The following TGFBR3 variants were observed in gnomAD, a reference collection of about 807,000 sequenced individuals.
TGFBR3 encodes the protein transforming growth factor beta receptor type 3.
TGFBR3 carries 46 observed loss-of-function variants against 87.9 expected under a neutral mutation model. That is an observed-to-expected ratio of 0.52 (90% CI 0.41 to 0.67). The LOEUF is 0.67. Among genes scored for constraint, TGFBR3 ranks in the 30% least tolerant of loss-of-function variants. The probability of loss-of-function intolerance (pLI) is 0.00; values close to 1 mark genes in which losing one functional copy is unlikely to be tolerated. For missense variants in TGFBR3, 866 were observed against 1,041.9 expected, an observed-to-expected ratio of 0.83 and a Z score of 2.32; for synonymous variants, 381 against 391.6, an observed-to-expected ratio of 0.97 and a Z score of 0.32.
At chr1:91,893,688 G>A (rs1557766384) in intron 2 of TGFBR3, among the ~76,000 whole-genome samples, 1 of 147,670 alleles carries the variant, frequency 6.8e-6, no homozygotes, top group African/African-American at 2.5e-5. Flanking sequence ...CTTTTATCCT[G>A]TTTTTTTTTT....
chr1:91,704,731 C>T lies in TGFBR3; in HGVS notation c.2287+3932G>A, dbSNP rs377635793. 2.6e-4 allele frequency among the ~76,000 whole-genome samples: 39 copies of T among 152,282 alleles called. 1 individual carries two copies. The highest frequency in any genetic ancestry group is 8.9e-4 in the African/African-American group (37 of 41,568). On this transcript the variant is annotated intron_variant, in intron 14 of 16. Transcript: ENST00000212355. ...GTTAAAAATTTAAATGGTAAAAGAA[C>T]GCTAACCCAACACTGATTCCCAAGG...
chr1:91,853,890 G>A (rs929029520), intron 2 of TGFBR3, among the ~76,000 whole-genome samples: 4 of 152,086 alleles, frequency 2.6e-5, no homozygotes, highest in Non-Finnish European at 4.4e-5. Flanking sequence ...GCGCATGCCT[G>A]TAGTCCCAGT....
chr1:91,883,685 T>C (rs1679185551), intron 1 of TGFBR3, among the ~76,000 whole-genome samples: 1 of 151,802 alleles, frequency 6.6e-6, no homozygotes, highest in Admixed American at 6.6e-5. Context: ...AAACATGAGC[T>C]GAATCAACAG....
At chr1:91,774,114 C>G (rs760428320) in intron 3 of TGFBR3, among the ~76,000 whole-genome samples, 4 of 151,762 alleles carry the variant, frequency 2.6e-5, no homozygotes, top group African/African-American at 9.7e-5. Context: ...AGTTAATATA[C>G]TTGGTCTTGC....
At chr1:91,890,057 G>A (rs143429503), upstream of TGFBR3, among the ~76,000 whole-genome samples, 53 of 152,274 alleles carry the variant, frequency 3.5e-4, 1 homozygote, top group African/African-American at 1.2e-3. Context: ...TCAAGCTACA[G>A]TATTTGTTAC....
At chr1:91,704,417 A>G (rs928008860) in intron 14 of TGFBR3, among the ~76,000 whole-genome samples, 2 of 152,098 alleles carry the variant, frequency 1.3e-5, no homozygotes, top group Admixed American at 6.5e-5. Flanking sequence ...ACATGATTCT[A>G]GTTTTCAGTA....
At chr1:91,693,377 A>AT (rs1329268827) in intron 16 of TGFBR3, among the ~76,000 whole-genome samples, 11 of 152,302 alleles carry the variant, frequency 7.2e-5, no homozygotes, top group African/African-American at 2.6e-4. Context: ...TTTTTCTTAA[A>AT]TTTACTTACA....
chr1:91,708,204 T>A (rs1671859477), intron 14 of TGFBR3, among the ~76,000 whole-genome samples: 1 of 152,234 alleles, frequency 6.6e-6, no homozygotes, highest in African/African-American at 2.4e-5. Flanking sequence ...CTGTTACACC[T>A]AAGATGAATA....
At chr1:91,693,616 A>G (rs963074365) in intron 16 of TGFBR3, among the ~76,000 whole-genome samples, 36 of 152,218 alleles carry the variant, frequency 2.4e-4, no homozygotes, top group Middle Eastern at 3.4e-3. Context: ...TGGTTGCCCT[A>G]TATTCTGCCT....
At chr1:91,770,751 T>G (rs531329809) in intron 3 of TGFBR3, 35 of 152,286 alleles carry the variant, frequency 2.3e-4, no homozygotes, top group Middle Eastern at 3.4e-3. Flanking sequence ...AAAAAACACT[T>G]AGTGGTAGTG....
chr1:91,816,839 T>A (rs930274655), intron 2 of TGFBR3, among the ~76,000 whole-genome samples: 4 of 152,220 alleles, frequency 2.6e-5, no homozygotes, highest in Non-Finnish European at 4.4e-5. Context: ...ACTTACTTTT[T>A]TTCCCCCAAA....
At chr1:91,786,501 A>G (rs1371253011) in intron 3 of TGFBR3, among the ~76,000 whole-genome samples, 1 of 152,216 alleles carries the variant, frequency 6.6e-6, no homozygotes, top group Non-Finnish European at 1.5e-5. Context: ...CTCTAATCCC[A>G]GCACTTTGGG....
intron 14 of TGFBR3, among the ~76,000 whole-genome samples, chr1:91,706,926 TAA>T (rs1671818288): frequency 6.6e-6 from 1 of 152,252 alleles, no homozygotes; most frequent in African/African-American, 2.4e-5. Flanking sequence ...TCCATTTATA[TAA>T]AGACTGGGTC....
chr1:91,820,421 C>T (rs2101058738), intron 2 of TGFBR3, among the ~76,000 whole-genome samples: 1 of 152,210 alleles, frequency 6.6e-6, no homozygotes, highest in African/African-American at 2.4e-5. Flanking sequence ...CGGTGGCTCA[C>T]ACCTGTAATC....
In TGFBR3 at chr1:91,862,350, T is replaced by C. The variant is rs191796934; in HGVS notation, c.-113-706A>G. Among the ~76,000 whole-genome samples, 42 of 152,266 alleles carry C rather than the reference T, an allele frequency of 2.8e-4. No homozygotes were observed. The East Asian group carries it at 6.6e-3, about 24-fold the overall frequency. On this transcript the variant is annotated intron_variant, in intron 1 of 16. Coordinates refer to ENST00000212355, the MANE Select transcript of TGFBR3 (RefSeq NM_003243.5). The stretch of plus-strand genomic sequence containing the variant: ...TTAGAGACTCAATCTAATGTTATAA[T>C]AACAGGGTTATCACAAGGATCAAAT...
chr1:91,865,011 T>A (rs1460857537), intron 1 of TGFBR3, among the ~76,000 whole-genome samples: 5 of 152,090 alleles, frequency 3.3e-5, no homozygotes, highest in Non-Finnish European at 5.9e-5. Context: ...AAGACCAGCC[T>A]GGCCAACCTG....
rs954960037 is a variant in TGFBR3, at chr1:91,727,986, A to C, written c.738-180T>G. ...ACTGCACACATAACAAAATTGTTTT[A>C]CATAACAATAGAAACATATGCTTGC... is the stretch of plus-strand genomic sequence containing the variant. On this transcript the variant is annotated intron_variant, in intron 6 of 16. Coordinates refer to ENST00000212355, the MANE Select transcript of TGFBR3 (RefSeq NM_003243.5). 7.5e-6 allele frequency: 5 copies of C among 668,336 alleles called. No homozygotes were observed. The African/African-American group carries it at 9.1e-5, about 12-fold the overall frequency. 41.4% of individuals were successfully genotyped at this position (668,336 alleles called of 1,614,324 possible).
intron 2 of TGFBR3, among the ~76,000 whole-genome samples, chr1:91,893,944 C>CTT (rs1268552193): frequency 6.7e-6 from 1 of 150,024 alleles, no homozygotes; most frequent in East Asian, 1.9e-4. Flanking sequence ...AAAAAACTTC[C>CTT]TTTGGCCAGG....
intron 1 of TGFBR3, among the ~76,000 whole-genome samples, chr1:91,863,247 A>G (rs1678267529): frequency 6.6e-6 from 1 of 152,198 alleles, no homozygotes; most frequent in African/African-American, 2.4e-5. Context: ...AAATTATTAT[A>G]TAGGCAGGAG....
Sources: gnomAD v4.1 joint callset for allele counts (sites outside exome capture counted in the v4.1 genomes callset) on GRCh38, gnomAD v4.1.1 for gene constraint, MANE v1.5 for transcripts, NCBI Gene and HGNC (gene_info 2026-07-23, HGNC 2026-07-21) for gene names.